LHFPL2: variants seen among roughly 807,000 people sequenced by gnomAD.
LHFPL2 encodes the protein LHFPL tetraspan subfamily member 2 protein.
LHFPL2 carries 7 observed loss-of-function variants against 17.5 expected under a neutral mutation model. The ratio of observed to expected loss-of-function variants is 0.40; its 90% CI spans 0.23 to 0.75. The LOEUF is 0.75. Ranked by LOEUF, LHFPL2 falls within the 30% of genes least tolerant of loss-of-function variation. The pLI is 0.37. For missense variants in LHFPL2, 241 were observed against 294.8 expected, an observed-to-expected ratio of 0.82 and a Z score of 1.34; for synonymous variants, 134 against 116.2, an observed-to-expected ratio of 1.15 and a Z score of -0.99.
chr5:78,627,250 C>G (rs575178900), intron 2 of LHFPL2, among the ~76,000 whole-genome samples: 2 of 152,094 alleles, frequency 1.3e-5, no homozygotes, highest in African/African-American at 4.8e-5. Context: ...GCAGTGGATG[C>G]CTTGTCCTTT....
chr5:78,580,877 T>G (rs1030337738), intron 2 of LHFPL2, among the ~76,000 whole-genome samples: 7 of 152,216 alleles, frequency 4.6e-5, no homozygotes, highest in African/African-American at 7.2e-5. Flanking sequence ...TTTCCAATTC[T>G]GTGAAGAAAG....
rs565620918 is a variant in LHFPL2 at position 78,506,077 on chromosome 5, A to G, written c.430+3707T>C. On this transcript the variant is annotated intron_variant, in intron 4 of 4. Coordinates refer to ENST00000380345, the MANE Select transcript of LHFPL2 (RefSeq NM_005779.3). ...TGGTGCCCTGAAGGCAGATCCTGCT[A>G]TCTGGATTCACATAACAGGCAATGA... 2.0e-5 allele frequency among the ~76,000 whole-genome samples: 3 copies of G among 152,378 alleles called. No homozygotes were observed. The South Asian group carries it at 6.2e-4, about 32-fold the overall frequency.
chr5:78,558,089 C>T (rs1756629048), intron 3 of LHFPL2, among the ~76,000 whole-genome samples: 1 of 152,202 alleles, frequency 6.6e-6, no homozygotes, highest in Non-Finnish European at 1.5e-5. Context: ...TTTACAGGGG[C>T]AGCATCTCAG....
chr5:78,502,014 CT>C (rs1280411738), intron 4 of LHFPL2, among the ~76,000 whole-genome samples: 1 of 151,850 alleles, frequency 6.6e-6, no homozygotes, highest in Non-Finnish European at 1.5e-5. Flanking sequence ...AAAAAAGAAG[CT>C]TGCATTAATG....
chr5:78,520,437 C>T (rs1755419017), intron 3 of LHFPL2, among the ~76,000 whole-genome samples: 1 of 152,236 alleles, frequency 6.6e-6, no homozygotes, highest in African/African-American at 2.4e-5. Flanking sequence ...CTGTCACTTT[C>T]AGCTCCAAAA....
At chr5:78,604,163 T>A (rs1744127705) in intron 2 of LHFPL2, among the ~76,000 whole-genome samples, 2 of 152,004 alleles carry the variant, frequency 1.3e-5, no homozygotes, top group South Asian at 2.1e-4. Context: ...CATAAAATGG[T>A]CCCACATAGA....
At chr5:78,595,386 G>A (rs1406607379) in intron 2 of LHFPL2, among the ~76,000 whole-genome samples, 1 of 152,250 alleles carries the variant, frequency 6.6e-6, no homozygotes, top group Non-Finnish European at 1.5e-5. Context: ...CAACCCTCAT[G>A]TGGTGAGTGG....
chr5:78,549,571 C>A (rs958747570), intron 3 of LHFPL2, among the ~76,000 whole-genome samples: 1 of 152,190 alleles, frequency 6.6e-6, no homozygotes, highest in African/African-American at 2.4e-5. Context: ...TGAAGAGCCA[C>A]AACACACATT....
intron 2 of LHFPL2, among the ~76,000 whole-genome samples, chr5:78,597,411 T>C (rs1280237070): frequency 6.6e-6 from 1 of 152,246 alleles, no homozygotes; most frequent in Non-Finnish European, 1.5e-5. Flanking sequence ...CCTAGTGTTT[T>C]TTCCACTTAG....
chr5:78,558,133 G>C (rs1369534572), intron 3 of LHFPL2, among the ~76,000 whole-genome samples: 2 of 152,210 alleles, frequency 1.3e-5, no homozygotes, highest in African/African-American at 4.8e-5. Flanking sequence ...TTCTTTAGTG[G>C]CAAGCAGGGT....
chr5:78,631,299 C>A (rs1745237611), intron 2 of LHFPL2, among the ~76,000 whole-genome samples: 1 of 152,198 alleles, frequency 6.6e-6, no homozygotes, highest in Non-Finnish European at 1.5e-5. Context: ...TAGTTGACAA[C>A]TCTGTGTCTC....
intron 2 of LHFPL2, among the ~76,000 whole-genome samples, chr5:78,584,509 C>A (rs10077261): frequency 0.38 from 57,038 of 151,780 alleles, 11,424 homozygotes; most frequent in Middle Eastern, 0.48. Context: ...ACAGACAGGA[C>A]CCTCAGCTGC....
At chr5:78,633,580 C>A (rs1256723056) in intron 1 of LHFPL2, among the ~76,000 whole-genome samples, 2 of 152,178 alleles carry the variant, frequency 1.3e-5, no homozygotes, top group Non-Finnish European at 2.9e-5. Context: ...CAGAGATGGC[C>A]CAGCCTGCTA....
At chr5:78,560,641 C>T (rs1471379751) in intron 3 of LHFPL2, among the ~76,000 whole-genome samples, 1 of 152,200 alleles carries the variant, frequency 6.6e-6, no homozygotes, top group Non-Finnish European at 1.5e-5. Context: ...GGCCAAAGGA[C>T]TGCAAGGAAA....
At chr5:78,584,697 C>G (rs1743298292) in intron 2 of LHFPL2, among the ~76,000 whole-genome samples, 2 of 152,210 alleles carry the variant, frequency 1.3e-5, no homozygotes, top group Non-Finnish European at 2.9e-5. Context: ...AGCTGTCAGA[C>G]AGGGACATTT....
At chr5:78,586,285 A>C (rs1399309274) in intron 2 of LHFPL2, among the ~76,000 whole-genome samples, 1 of 152,160 alleles carries the variant, frequency 6.6e-6, no homozygotes, top group African/African-American at 2.4e-5. Context: ...GGATTACGTG[A>C]GATGATTTCA....
chr5:78,635,981 G>A (rs1745434257), intron 1 of LHFPL2, among the ~76,000 whole-genome samples: 1 of 143,702 alleles, frequency 7.0e-6, no homozygotes, highest in Admixed American at 7.2e-5. Context: ...TTATATTAAA[G>A]TTCCCATCAC....
chr5:78,623,329 G>GC (rs1744924504), intron 2 of LHFPL2, among the ~76,000 whole-genome samples: 1 of 152,136 alleles, frequency 6.6e-6, no homozygotes, highest in African/African-American at 2.4e-5. Context: ...TCATTTTATA[G>GC]CAAGTTGAAA....
chr5:78,527,159 T>C (rs1031725180), intron 3 of LHFPL2, among the ~76,000 whole-genome samples: 3 of 152,304 alleles, frequency 2.0e-5, no homozygotes, highest in Middle Eastern at 3.4e-3. Context: ...ACCATTTCCA[T>C]TGCTGGCTCA....
Sources: gnomAD v4.1 joint callset for allele counts (sites outside exome capture counted in the v4.1 genomes callset) on GRCh38, gnomAD v4.1.1 for gene constraint, MANE v1.5 for transcripts, NCBI Gene and HGNC (gene_info 2026-07-23, HGNC 2026-07-21) for gene names.